The following PAPPA variants were observed in gnomAD, a reference collection of about 807,000 sequenced individuals.
PAPPA encodes the protein pappalysin-1.
A neutral mutation model predicts 164.0 loss-of-function variants in PAPPA; 60 were observed. That is an observed-to-expected ratio of 0.37 (90% CI 0.30 to 0.45). PAPPA has a LOEUF of 0.45. PAPPA is among the 20% of genes least tolerant of loss of function. The pLI is 1.00. For missense variants in PAPPA, 1,782 were observed against 2,087.3 expected (o/e 0.85, Z 2.85); for synonymous variants, 875 against 814.1 (o/e 1.07, Z -1.27).
intron 2 of PAPPA, among the ~76,000 whole-genome samples, chr9:116,198,535 T>G (rs1453281450): frequency 1.3e-5 from 2 of 152,234 alleles, no homozygotes; most frequent in Non-Finnish European, 2.9e-5. Context: ...TGGAATTTCC[T>G]GCAGCAAGAT....
At chr9:116,202,243 G>A (rs1167448141) in intron 2 of PAPPA, among the ~76,000 whole-genome samples, 1 of 152,118 alleles carries the variant, frequency 6.6e-6, no homozygotes, top group Non-Finnish European at 1.5e-5. Flanking sequence ...TTTGAATGTG[G>A]TTCCCTTTTG....
chr9:116,361,370 C>T (rs996860130), intron 17 of PAPPA, among the ~76,000 whole-genome samples: 17 of 152,260 alleles, frequency 1.1e-4, no homozygotes, highest in African/African-American at 3.6e-4. Flanking sequence ...CATTTCTGTT[C>T]GGTAAAGTCT....
intron 9 of PAPPA, among the ~76,000 whole-genome samples, chr9:116,282,817 A>G (rs1345139072): frequency 6.6e-6 from 1 of 152,220 alleles, no homozygotes; most frequent in Non-Finnish European, 1.5e-5. Context: ...TCACATAACA[A>G]AAGGATCCCA....
intron 9 of PAPPA, among the ~76,000 whole-genome samples, chr9:116,292,969 A>C (rs191848346): frequency 3.3e-5 from 5 of 152,262 alleles, no homozygotes; most frequent in Admixed American, 3.3e-4. Flanking sequence ...GCAAGAAGAC[A>C]GGAGGGGGCT....
At chr9:116,156,373 G>C (rs1168854921) in intron 1 of PAPPA, among the ~76,000 whole-genome samples, 1 of 127,850 alleles carries the variant, frequency 7.8e-6, no homozygotes, top group East Asian at 2.0e-4. Flanking sequence ...TAACACCTGG[G>C]ATTCCACAGG....
chr9:116,365,966 C>T (rs17373837), intron 18 of PAPPA, among the ~76,000 whole-genome samples: 20,459 of 151,920 alleles, frequency 0.13, 1,655 homozygotes, highest in Non-Finnish European at 0.18. Flanking sequence ...ACCTGTGAAA[C>T]GGGTGTCATG....
chr9:116,243,053 G>A (rs1587968694), intron 7 of PAPPA, among the ~76,000 whole-genome samples: 1 of 152,066 alleles, frequency 6.6e-6, no homozygotes, highest in Non-Finnish European at 1.5e-5. Flanking sequence ...TCGTTAAATT[G>A]GGATTTCAAT....
At position 116,235,319 on chromosome 9, in the gene PAPPA, C is replaced by T. The variant is rs758711664; in HGVS notation, c.2414C>T (p.Thr805Ile). 36 of 1,614,094 alleles carry T rather than the reference C, an allele frequency of 2.2e-5. No homozygotes were observed. The East Asian group carries it at 7.1e-4, about 32-fold the overall frequency. ...SLTIWVTFVS[T>I]DWDSSGAVND... is the part of the protein sequence containing the mutation. ...ACCATTTGGGTGACCTTTGTCTCCA[C>T]TGACTGGGACTCTAGTGGAGCTGTC... Residue 805 changes from threonine to isoleucine, a missense_variant, in exon 7 of 22, where the codon ACT (threonine) becomes ATT (isoleucine). Transcript: ENST00000328252.
intron 20 of PAPPA, among the ~76,000 whole-genome samples, chr9:116,379,739 G>A (rs546555193): frequency 6.6e-6 from 1 of 152,254 alleles, no homozygotes; most frequent in South Asian, 2.1e-4. Flanking sequence ...ATCCTGAAGA[G>A]CTATCACAAA....
chr9:116,345,446 A>AC (rs1334864848), intron 14 of PAPPA, among the ~76,000 whole-genome samples: 2 of 151,974 alleles, frequency 1.3e-5, no homozygotes, highest in Admixed American at 6.6e-5. Context: ...GAAAAAAAAA[A>AC]AAAAAAACAT....
Position 116,207,585 on chromosome 9 carries a change from G to A in PAPPA, c.1608G>A (p.Glu536=), listed in dbSNP as rs753540802. Residue 536 remains glutamate, a synonymous_variant, in exon 3 of 22, where the codon GAG becomes GAA. Transcript: ENST00000328252. ...AGVATWPWDK[E]ALMHLGGIVL... is the part of the protein sequence containing the mutation. Reference sequence around the variant, plus strand: ...TAGCAACTTGGCCATGGGACAAGGAGGCCCTGATGCACTTAGGTGAGTCTT... The same window carrying A: ...TAGCAACTTGGCCATGGGACAAGGAAGCCCTGATGCACTTAGGTGAGTCTT... 3.7e-6 allele frequency: 6 copies of A among 1,613,302 alleles called. No homozygotes were observed. Among genetic ancestry groups the A allele is most frequent in the South Asian group, 1.1e-5 (1 of 90,994 alleles).
chr9:116,226,120 G>A (rs1844504506), intron 5 of PAPPA, among the ~76,000 whole-genome samples: 1 of 152,194 alleles, frequency 6.6e-6, no homozygotes, highest in African/African-American at 2.4e-5. Context: ...GACGCAACAT[G>A]ATAGGTAGAC....
chr9:116,382,535 T>C, intron 21 of PAPPA, 42 bp downstream of exon 21: 1 of 1,205,922 alleles, frequency 8.3e-7, no homozygotes, highest in Non-Finnish European at 1.2e-6. Flanking sequence ...TCCTGCCCAC[T>C]TCTCCAGCTT....
rs1843568918 is a variant in PAPPA at position 116,154,167 on chromosome 9, T to C, written c.-6T>C. 2 of 1,474,572 alleles carry C rather than the reference T, an allele frequency of 1.4e-6. No homozygotes were observed. Among genetic ancestry groups the C allele is most frequent in the East Asian group, 5.7e-5 (2 of 35,006 alleles). 91.3% of individuals were successfully genotyped at this position (1,474,572 alleles called of 1,614,324 possible). A position where few individuals can be genotyped will look rare whatever the true frequency, so the allele number is the denominator to read the frequency against. On this transcript the variant is annotated 5_prime_UTR_variant, in exon 1 of 22. Transcript: ENST00000328252. The surrounding 1 kb of genome is among the most constrained non-coding windows in gnomAD (Gnocchi z 5.2). ...GGCGAAGGGGGGGCGGGGGGAACCGTCGGACATGCGGCTCTGGAGTTGGGT... is the reference window on the plus strand; with the variant it reads ...GGCGAAGGGGGGGCGGGGGGAACCGCCGGACATGCGGCTCTGGAGTTGGGT...
At chr9:116,362,841 C>T in intron 18 of PAPPA, 102 bp downstream of exon 18, 1 of 1,088,738 alleles carries the variant, frequency 9.2e-7, no homozygotes, top group Non-Finnish European at 1.3e-6. Context: ...CACATGAGTT[C>T]CTGCGTAGGC....
At chr9:116,376,082 A>G (rs575902760) in intron 19 of PAPPA, among the ~76,000 whole-genome samples, 6 of 140,466 alleles carry the variant, frequency 4.3e-5, no homozygotes, top group South Asian at 2.2e-4. Context: ...GTGCAGTGGT[A>G]TGATGTCAGC....
At chr9:116,196,900 G>T (rs923328742) in intron 2 of PAPPA, among the ~76,000 whole-genome samples, 3 of 152,186 alleles carry the variant, frequency 2.0e-5, no homozygotes, top group African/African-American at 4.8e-5. Flanking sequence ...TCTTAGCCTT[G>T]AACTTGACTT....
intron 11 of PAPPA, among the ~76,000 whole-genome samples, chr9:116,331,894 G>A (rs1349429787): frequency 6.6e-6 from 1 of 152,184 alleles, no homozygotes; most frequent in Non-Finnish European, 1.5e-5. Context: ...AGGTTGACAT[G>A]GAGAAGTGAA....
At chr9:116,238,890 C>CCACAAATA (rs1844704602) in intron 7 of PAPPA, among the ~76,000 whole-genome samples, 2 of 152,146 alleles carry the variant, frequency 1.3e-5, no homozygotes, top group South Asian at 4.1e-4. Flanking sequence ...CTGAACCCCA[C>CCACAAATA]CACAAATACC....
Sources: gnomAD v4.1 joint callset for allele counts (sites outside exome capture counted in the v4.1 genomes callset) on GRCh38, gnomAD v4.1.1 for gene constraint, Gnocchi (gnomAD v3.1) non-coding constraint, MANE v1.5 for transcripts, NCBI Gene and HGNC (gene_info 2026-07-23, HGNC 2026-07-21) for gene names.